KIF18A: variants seen among roughly 807,000 people sequenced by gnomAD.
The protein encoded by KIF18A is kinesin family member 18A, also known as kinesin-like protein KIF18A.
A neutral mutation model predicts 103.3 loss-of-function variants in KIF18A; 67 were observed. That is an observed-to-expected ratio of 0.65 (90% CI 0.53 to 0.79). The LOEUF (loss-of-function observed/expected upper bound fraction) is 0.79. Among genes scored for constraint, KIF18A ranks in the 30% least tolerant of loss-of-function variants. KIF18A has a pLI of 0.00. For missense variants in KIF18A, 1,032 were observed against 1,062.5 expected, an observed-to-expected ratio of 0.97 and a Z score of 0.40; for synonymous variants, 367 against 355.5, an observed-to-expected ratio of 1.03 and a Z score of -0.36.
chr11:28,056,991 AG>A (rs1850789422), intron 13 of KIF18A: 2 of 324,036 alleles, frequency 6.2e-6, no homozygotes, highest in Admixed American at 4.8e-5. Flanking sequence ...ACTATATAAA[AG>A]TTAAAAGTCC....
At chr11:28,105,292 TCAGA>T (rs1413062735) in intron 1 of KIF18A, among the ~76,000 whole-genome samples, 1 of 152,188 alleles carries the variant, frequency 6.6e-6, no homozygotes, top group East Asian at 1.9e-4. Flanking sequence ...GGATTTGAAC[TCAGA>T]CTGACTGAAT....
At position 28,102,542 on chromosome 11, in the gene KIF18A, C is replaced by T. The variant is rs544017673; in HGVS notation, c.-46-4549G>A. ...GGCTGAGTCATGGGCCATGGTCACT[C>T]ATATTTGGCTCAGAATAAATCTCTT... On this transcript the variant is annotated intron_variant, in intron 1 of 16. Transcript: ENST00000263181. Among the ~76,000 whole-genome samples the T allele has an allele frequency of 9.9e-5, 15 of 152,262 alleles. No homozygotes were observed. In the East Asian group the frequency reaches 2.9e-3, roughly 29 times the overall value.
rs147056205 is a variant in KIF18A, at chr11:28,024,355, A to G, written c.2505-505T>C. Among the ~76,000 whole-genome samples, 50 of 152,240 alleles carry G rather than the reference A, an allele frequency of 3.3e-4. No individual in the cohort carries two copies. The East Asian group carries it at 8.9e-3, about 27-fold the overall frequency. On this transcript the variant is annotated intron_variant, in intron 15 of 16. Coordinates refer to ENST00000263181, the MANE Select transcript of KIF18A (RefSeq NM_031217.4). The stretch of plus-strand genomic sequence containing the variant: ...ATTACAATCACAGAAACTGAAATAA[A>G]AAGAATGACCTGTTTTCATTTGCTC...
chr11:28,040,839 A>G (rs968145626), intron 13 of KIF18A, among the ~76,000 whole-genome samples: 1 of 151,842 alleles, frequency 6.6e-6, no homozygotes, highest in Non-Finnish European at 1.5e-5. Context: ...TAACTCCTCA[A>G]CATATTGTAA....
intron 3 of KIF18A, among the ~76,000 whole-genome samples, chr11:28,093,134 T>C (rs1488594468): frequency 6.6e-6 from 1 of 152,110 alleles, no homozygotes; most frequent in Non-Finnish European, 1.5e-5. Context: ...AATATGAAAG[T>C]AGATTAAAAG....
intron 3 of KIF18A, among the ~76,000 whole-genome samples, chr11:28,094,155 G>C (rs1264724026): frequency 6.6e-6 from 1 of 152,066 alleles, no homozygotes; most frequent in Non-Finnish European, 1.5e-5. Flanking sequence ...AGATTAAGGA[G>C]ACTAAGATAT....
intron 1 of KIF18A, among the ~76,000 whole-genome samples, chr11:28,104,229 G>T (rs1030950350): frequency 6.6e-6 from 1 of 152,116 alleles, no homozygotes; most frequent in Admixed American, 6.5e-5. Flanking sequence ...TGTATTGCAT[G>T]TCATTTACCT....
In KIF18A at chr11:28,036,646, G is replaced by A. The variant is rs750514567; in HGVS notation, c.1967C>T (p.Thr656Ile). ...PIPCCSSSGG[T>I]NLVKIPTEKR... ...TTCTGTAGGAATCTTAACCAGATTA[G>A]TTCCACCTGAAGATGAGCCTATTCA... Residue 656 changes from threonine (T) to isoleucine (I), a missense_variant, in exon 14 of 17, where the codon ACT (threonine) becomes ATT (isoleucine). Physicochemically the swap from Thr to Ile is moderately conservative, Grantham distance 89 (BLOSUM62 -1). Transcript: ENST00000263181. 1.3e-6 allele frequency: 2 copies of A among 1,598,306 alleles called. No homozygotes were observed. The highest frequency in any genetic ancestry group is 2.7e-5 in the African/African-American group (2 of 74,276).
In KIF18A at chr11:28,046,630, G is replaced by T. The variant is rs564204969; in HGVS notation, c.1949-9966C>A. On this transcript the variant is annotated intron_variant, in intron 13 of 16. Coordinates refer to ENST00000263181, the MANE Select transcript of KIF18A (RefSeq NM_031217.4). ...GTTAGTGGGTGCAGCGCACCAGCAT[G>T]GCACATGTATACATATGTAACTAAC... Among the ~76,000 whole-genome samples the T allele has an allele frequency of 2.9e-4, 41 of 142,070 alleles. No homozygotes were observed. The East Asian group carries it at 8.2e-3, about 28-fold the overall frequency. 93.2% of individuals were successfully genotyped at this position (142,070 alleles called of 152,430 possible). A position where few individuals can be genotyped will look rare whatever the true frequency, so the allele number is the denominator to read the frequency against.
rs573052783 is a variant in KIF18A, at chr11:28,023,802, G to A, written c.2553C>T (p.Ala851=). ...SLTADVNSGF[A]KRVRQDNSSE... is the part of the protein sequence containing the mutation. Reference sequence around the variant, plus strand: ...TTGAATTATCTTGTCGAACACGTTTGGCAAATCCAGAATTTACGTCTGCAG... The same window carrying A: ...TTGAATTATCTTGTCGAACACGTTTAGCAAATCCAGAATTTACGTCTGCAG... The change falls in exon 16 of 17, where the codon GCC becomes GCT. Residue 851 remains alanine, a synonymous_variant. Coordinates refer to ENST00000263181, the MANE Select transcript of KIF18A (RefSeq NM_031217.4). 5.0e-6 allele frequency: 8 copies of A among 1,612,974 alleles called. No individual in the cohort carries two copies. The African/African-American group carries it at 9.3e-5, about 19-fold the overall frequency.
chr11:28,028,408 C>G, intron 15 of KIF18A, among the ~76,000 whole-genome samples: 1 of 152,080 alleles, frequency 6.6e-6, no homozygotes, highest in East Asian at 1.9e-4. Context: ...GGAAACTGAA[C>G]AACCTGCTCC....
At chr11:28,105,619 C>G (rs1451845328) in intron 1 of KIF18A, among the ~76,000 whole-genome samples, 1 of 152,150 alleles carries the variant, frequency 6.6e-6, no homozygotes, top group Non-Finnish European at 1.5e-5. Flanking sequence ...CCCCAAAACT[C>G]AGCTTCTGGT....
chr11:28,093,328 G>A (rs896904351), intron 3 of KIF18A, among the ~76,000 whole-genome samples: 6 of 152,000 alleles, frequency 3.9e-5, no homozygotes, highest in South Asian at 4.1e-4. Context: ...TTCTAATGAA[G>A]AAATTTTTAG....
chr11:28,098,044 C>G, intron 1 of KIF18A, 51 bp from the exon 2 acceptor site: 2 of 917,648 alleles, frequency 2.2e-6, no homozygotes, highest in Admixed American at 5.2e-5. Context: ...TACTTTCATG[C>G]AAAACAACTG....
rs1174619475 is a variant in KIF18A at position 28,094,670 on chromosome 11, T to C, written c.456A>G (p.Ile152Met). Residue 152 changes from isoleucine to methionine, a missense_variant, in exon 3 of 17, where the codon ATA (isoleucine) becomes ATG (methionine). Ile to Met is a conservative substitution (Grantham distance 10). Transcript: ENST00000263181. ...KCMDEIKEEKICSTAVSYLEV... is the reference protein window; with the variant it reads ...KCMDEIKEEKMCSTAVSYLEV... ...CCAGATATGAAACTGCAGTACTACA[T>C]ATTTTCTCTTCTTTAATCTCATCCA... is the stretch of plus-strand genomic sequence containing the variant. 5.0e-6 allele frequency: 8 copies of C among 1,612,076 alleles called. No homozygotes were observed. The highest frequency in any genetic ancestry group is 3.3e-5 in the Admixed American group (2 of 59,974).
At chr11:28,024,059 T>C (rs1850281214) in intron 15 of KIF18A, among the ~76,000 whole-genome samples, 1 of 152,050 alleles carries the variant, frequency 6.6e-6, no homozygotes, top group Non-Finnish European at 1.5e-5. Flanking sequence ...TATATTTTTA[T>C]TCAAATTGAA....
Position 28,090,660 on chromosome 11 carries a change from G to C in KIF18A, c.656C>G (p.Thr219Ser). 6.2e-7 allele frequency: 1 copy of C among 1,609,970 alleles called. No homozygotes were observed. Among genetic ancestry groups the C allele is most frequent in the Non-Finnish European group, 8.5e-7 (1 of 1,176,866 alleles). Residue 219 changes from threonine to serine, a missense_variant, in exon 5 of 17, where the codon ACT becomes AGT. By Grantham distance (58) the Thr-to-Ser change is moderately conservative. Transcript: ENST00000263181. The stretch of plus-strand genomic sequence containing the variant: ...ACGAGAAGATGTGGCATTCATATCA[G>C]TGGGATGTTGTGTCCTGTTTTTGTT... ...NGNKNRTQHP[T>S]DMNATSSRSH...
chr11:28,079,187 A>G (rs900306467), intron 9 of KIF18A, among the ~76,000 whole-genome samples: 1 of 152,052 alleles, frequency 6.6e-6, no homozygotes, highest in Non-Finnish European at 1.5e-5. Context: ...AAAGTTTACT[A>G]ATCTGTAAGG....
At chr11:28,048,962 T>C (rs1850675564) in intron 13 of KIF18A, among the ~76,000 whole-genome samples, 2 of 152,062 alleles carry the variant, frequency 1.3e-5, no homozygotes, top group Admixed American at 1.3e-4. Flanking sequence ...GACAAAAGTA[T>C]GCCTATAGCT....
Sources: allele counts gnomAD v4.1 joint callset (sites outside exome capture counted in the v4.1 genomes callset), GRCh38; gene constraint gnomAD v4.1.1; transcripts MANE v1.5; gene names NCBI Gene and HGNC (gene_info 2026-07-23, HGNC 2026-07-21).